Variants in CACNA1E observed in about 807,000 individuals in gnomAD.
CACNA1E encodes voltage-dependent R-type calcium channel subunit alpha-1E.
In CACNA1E, 40 loss-of-function variants were observed where a neutral mutation model predicts 259.2. That is an observed-to-expected ratio of 0.15 (90% CI 0.12 to 0.20). The LOEUF is 0.20. CACNA1E is among the 10% of genes least tolerant of loss of function. The probability of loss-of-function intolerance (pLI) is 1.00; values close to 1 mark genes in which losing one functional copy is unlikely to be tolerated. For synonymous variants in CACNA1E, 1,104 were observed against 1,138.5 expected (o/e 0.97, Z 0.61); for missense variants, 1,874 against 3,040.1 (o/e 0.62, Z 9.02).
intron 1 of CACNA1E, among the ~76,000 whole-genome samples, chr1:181,398,389 G>C (rs1289155234): frequency 6.6e-6 from 1 of 152,188 alleles, no homozygotes; most frequent in Non-Finnish European, 1.5e-5. Context: ...TGTAGCTTAG[G>C]AAGTGCATGC....
intron 2 of CACNA1E, among the ~76,000 whole-genome samples, chr1:181,471,159 A>T (rs1392905175): frequency 6.6e-6 from 1 of 152,160 alleles, no homozygotes; most frequent in Non-Finnish European, 1.5e-5. Flanking sequence ...CTTTTATAAA[A>T]CACTAATCCC....
At chr1:181,789,433 G>A (rs1184288876) in intron 43 of CACNA1E, among the ~76,000 whole-genome samples, 1 of 152,138 alleles carries the variant, frequency 6.6e-6, no homozygotes. Context: ...CATGCCTTGA[G>A]TTTTCCATTG....
In CACNA1E at chr1:181,804,365, GTCTT is replaced by G. The variant is rs1662487785; in HGVS notation, c.*5535_*5538del. ...TTTTCTCTCTGGTCTCCTTTTTGTC[GTCTT>G]TCTCTTTCTGTCTAAATTGGCCTCT... is the stretch of plus-strand genomic sequence containing the variant. On this transcript the variant is annotated 3_prime_UTR_variant, in exon 48 of 48. Coordinates refer to ENST00000367573, the MANE Select transcript of CACNA1E (RefSeq NM_001205293.3). 6.6e-6 allele frequency: 1 copy of G among 152,052 alleles called. No homozygotes were observed. Among genetic ancestry groups the G allele is most frequent in the Non-Finnish European group, 1.5e-5 (1 of 68,006 alleles). 9.4% of individuals were successfully genotyped at this position (152,052 alleles called of 1,614,324 possible). A position where few individuals can be genotyped will look rare whatever the true frequency, so the allele number is the denominator to read the frequency against.
At chr1:181,423,802 C>G (rs1658949736) in intron 2 of CACNA1E, among the ~76,000 whole-genome samples, 1 of 152,062 alleles carries the variant, frequency 6.6e-6, no homozygotes, top group South Asian at 2.1e-4. Context: ...ATACAGGAAT[C>G]TGTGGAACCA....
At chr1:181,583,432 C>T (rs1290412411) in intron 6 of CACNA1E, among the ~76,000 whole-genome samples, 1 of 152,182 alleles carries the variant, frequency 6.6e-6, no homozygotes, top group East Asian at 1.9e-4. Flanking sequence ...TATGCACCTT[C>T]TATTCAGTGG....
At chr1:181,763,630 G>C in intron 34 of CACNA1E, 99 bp downstream of exon 34, 2 of 875,454 alleles carry the variant, frequency 2.3e-6, no homozygotes, top group Non-Finnish European at 1.6e-6. Context: ...CCTCTGGGAA[G>C]CTGAAGCTAG....
intron 44 of CACNA1E, 72 bp downstream of exon 44, chr1:181,790,628 A>G (rs1661220086): frequency 1.0e-6 from 1 of 974,448 alleles, no homozygotes. Flanking sequence ...ATTTTATTAC[A>G]TAGTCATGGT....
intron 6 of CACNA1E, among the ~76,000 whole-genome samples, chr1:181,612,074 G>GAGAAA (rs1260001015): frequency 2.0e-5 from 3 of 152,196 alleles, no homozygotes; most frequent in Non-Finnish European, 4.4e-5. Context: ...GAGAAAACAC[G>GAGAAA]ACACTTGAGA....
intron 6 of CACNA1E, among the ~76,000 whole-genome samples, chr1:181,608,396 AATGACC>A (rs1261055219): frequency 6.6e-6 from 1 of 152,194 alleles, no homozygotes; most frequent in African/African-American, 2.4e-5. Flanking sequence ...AGTTGGCAGG[AATGACC>A]AAACCATGAT....
rs59829005 is a variant in CACNA1E, at chr1:181,486,088, C to G, written c.266+2078C>G. Among the ~76,000 whole-genome samples the G allele has an allele frequency of 1.8e-3, 271 of 152,386 alleles. 2 individuals are homozygous for G. Among genetic ancestry groups the G allele is most frequent in the African/African-American group, 6.3e-3 (261 of 41,596 alleles). ...CGTTTTCTCTTCCGCTGCAAAGACA[C>G]CGCCTTTCCACCAGGCGTTGCGAGC... On this transcript the variant is annotated intron_variant, in intron 1 of 47. Coordinates refer to ENST00000367573, the MANE Select transcript of CACNA1E (RefSeq NM_001205293.3).
intron 2 of CACNA1E, among the ~76,000 whole-genome samples, chr1:181,454,296 G>T (rs913271872): frequency 1.2e-4 from 19 of 152,170 alleles, no homozygotes; most frequent in Non-Finnish European, 1.8e-4. Flanking sequence ...GAGCCTCCAG[G>T]GGACCTTGGA....
intron 6 of CACNA1E, among the ~76,000 whole-genome samples, chr1:181,614,601 A>G (rs563428187): frequency 8.5e-5 from 13 of 152,206 alleles, no homozygotes; most frequent in Non-Finnish European, 1.3e-4. Context: ...CTACAAAAAT[A>G]TAGGCAGTAG....
rs543012527 is a variant in CACNA1E at position 181,777,886 on chromosome 1, C to CA, written c.5267+1664dup. Among the ~76,000 whole-genome samples the CA allele has an allele frequency of 1.6e-3, 240 of 152,286 alleles. 1 individual carries two copies. The highest frequency in any genetic ancestry group is 2.7e-3 in the Non-Finnish European group (182 of 68,028). On this transcript the variant is annotated intron_variant, in intron 38 of 47. Coordinates refer to ENST00000367573, the MANE Select transcript of CACNA1E (RefSeq NM_001205293.3). ...CCCAAGAGGAGAAACCAACTGTGAG[C>CA]AAAAAAGTCCATTGTTCATCTGGGC...
intron 1 of CACNA1E, among the ~76,000 whole-genome samples, chr1:181,411,202 T>C (rs576019696): frequency 2.4e-4 from 36 of 152,318 alleles, no homozygotes; most frequent in Middle Eastern, 6.8e-3. Flanking sequence ...CCCCAGTACT[T>C]AGACCTGCTG....
intron 2 of CACNA1E, among the ~76,000 whole-genome samples, chr1:181,464,814 A>T (rs1276023530): frequency 6.6e-6 from 1 of 151,946 alleles, no homozygotes; most frequent in Non-Finnish European, 1.5e-5. Flanking sequence ...CTATGTCTTG[A>T]CTTAGTCCGT....
chr1:181,443,596 T>TA (rs1333831877), intron 2 of CACNA1E, among the ~76,000 whole-genome samples: 4 of 152,226 alleles, frequency 2.6e-5, no homozygotes, highest in Admixed American at 6.5e-5. Flanking sequence ...ACCACAGTCT[T>TA]ATCACCTCAC....
At position 181,699,184 on chromosome 1, in the gene CACNA1E, A is replaced by G. The variant is rs139514562; in HGVS notation, c.1056-11770A>G. Among the ~76,000 whole-genome samples the G allele has an allele frequency of 2.7e-3, 415 of 152,344 alleles. 5 individuals carry two copies. The highest frequency in any genetic ancestry group is 9.6e-3 in the African/African-American group (399 of 41,588). On this transcript the variant is annotated intron_variant, in intron 7 of 47. Transcript: ENST00000367573. ...TACTTCTGAACGTTCTGATGCCTTT[A>G]TCCATTCATGCAACAAATATTGCTT...
chr1:181,378,059 T>G (rs1484682350), intron 1 of CACNA1E, among the ~76,000 whole-genome samples: 1 of 152,236 alleles, frequency 6.6e-6, no homozygotes, highest in Non-Finnish European at 1.5e-5. Context: ...ATAGTGATGG[T>G]AATAGAAATG....
At chr1:181,632,242 C>A (rs1019162124) in intron 6 of CACNA1E, among the ~76,000 whole-genome samples, 1 of 152,130 alleles carries the variant, frequency 6.6e-6, no homozygotes, top group African/African-American at 2.4e-5. Context: ...ACTGAATGAG[C>A]AATGCTTGTG....
Sources: gnomAD v4.1 joint callset for allele counts (sites outside exome capture counted in the v4.1 genomes callset) on GRCh38, gnomAD v4.1.1 for gene constraint, MANE v1.5 for transcripts, NCBI Gene and HGNC (gene_info 2026-07-23, HGNC 2026-07-21) for gene names.